The following NUMB variants were observed in gnomAD, a reference collection of about 807,000 sequenced individuals.
NUMB encodes the protein protein numb homolog.
In NUMB, 29 loss-of-function variants were observed where a neutral mutation model predicts 59.7. That is an observed-to-expected ratio of 0.49 (90% CI 0.36 to 0.66). The LOEUF (loss-of-function observed/expected upper bound fraction) is 0.66. NUMB is among the 30% of genes least tolerant of loss of function. The pLI, the probability that NUMB is intolerant of heterozygous loss-of-function variation, is 0.00. For missense variants in NUMB, 723 were observed against 822.0 expected, an observed-to-expected ratio of 0.88 and a Z score of 1.47; for synonymous variants, 288 against 288.2, an observed-to-expected ratio of 1.00 and a Z score of 0.01.
chr14:73,356,714 A>T (rs1401279070), intron 3 of NUMB, among the ~76,000 whole-genome samples: 1 of 152,144 alleles, frequency 6.6e-6, no homozygotes, highest in Non-Finnish European at 1.5e-5. Context: ...ATTTTTTTTC[A>T]GACAGTCTCA....
chr14:73,404,555 G>GA (rs1403617806), intron 2 of NUMB, among the ~76,000 whole-genome samples: 4 of 152,124 alleles, frequency 2.6e-5, no homozygotes, highest in East Asian at 1.9e-4. Flanking sequence ...GGGAAAATGT[G>GA]AAAAAATATT....
intron 3 of NUMB, 91 bp from the exon 4 acceptor site, chr14:73,355,857 T>C (rs553051495): frequency 1.1e-6 from 1 of 943,750 alleles, no homozygotes; most frequent in African/African-American, 1.7e-5. Context: ...AAATCTGATG[T>C]CCAAAATTAA....
intron 1 of NUMB, among the ~76,000 whole-genome samples, chr14:73,433,952 G>C (rs147789568): frequency 7.9e-5 from 12 of 152,222 alleles, no homozygotes; most frequent in African/African-American, 2.9e-4. Flanking sequence ...AATTAGCCAG[G>C]TGTGGTGGTG....
rs1300725439 is a variant in NUMB, at chr14:73,284,295, AGGAGAGGTG to A, written c.726_734del (p.Pro245_Ser247del). On this transcript the variant is annotated inframe_deletion, in exon 10 of 13. Transcript: ENST00000555238. ...CCAGAGAGGTCGTGGCATCAGAAGT[AGGAGAGGTG>A]GGAGAGGATGGGGATGGGGCAGTGT... is the stretch of plus-strand genomic sequence containing the variant. The A allele has an allele frequency of 6.2e-7, 1 of 1,614,080 alleles. No individual in the cohort carries two copies.
chr14:73,369,673 A>G (rs1309241370), intron 2 of NUMB, among the ~76,000 whole-genome samples: 2 of 152,242 alleles, frequency 1.3e-5, no homozygotes, highest in Middle Eastern at 3.2e-3. Context: ...TATGAGAAAC[A>G]CACTTAAAAG....
At chr14:73,450,894 G>A (rs536273133) in intron 1 of NUMB, among the ~76,000 whole-genome samples, 1 of 152,182 alleles carries the variant, frequency 6.6e-6, no homozygotes, top group Admixed American at 6.5e-5. Flanking sequence ...ACTCACGCCT[G>A]TAATCCCAGC....
intron 2 of NUMB, among the ~76,000 whole-genome samples, chr14:73,405,433 CTCTTT>C (rs1373799315): frequency 1.7e-5 from 2 of 115,226 alleles, no homozygotes; most frequent in African/African-American, 5.9e-5. Flanking sequence ...TTTTTTCTTT[CTCTTT>C]TTTTTTTTTT....
chr14:73,455,677 T>G (rs1304577554), intron 1 of NUMB, among the ~76,000 whole-genome samples: 1 of 152,244 alleles, frequency 6.6e-6, no homozygotes, highest in Non-Finnish European at 1.5e-5. Context: ...TATATTAGTG[T>G]AAGGATAAGA....
At chr14:73,299,579 C>CAT (rs34425442) in intron 6 of NUMB, among the ~76,000 whole-genome samples, 112 of 139,540 alleles carry the variant, frequency 8.0e-4, no homozygotes, top group Middle Eastern at 3.6e-3. Context: ...TATGACATGA[C>CAT]ATATGTCATG....
At chr14:73,299,665 G>A (rs920679098) in intron 6 of NUMB, among the ~76,000 whole-genome samples, 8 of 151,446 alleles carry the variant, frequency 5.3e-5, no homozygotes, top group Non-Finnish European at 1.2e-4. Flanking sequence ...TTGGAGGATC[G>A]TGATACAGAA....
intron 1 of NUMB, among the ~76,000 whole-genome samples, chr14:73,451,180 A>C (rs1402144067): frequency 6.7e-6 from 1 of 148,208 alleles, no homozygotes; most frequent in Non-Finnish European, 1.5e-5. Context: ...AAAAACAAAA[A>C]ACAAATCTAC....
intron 4 of NUMB, among the ~76,000 whole-genome samples, chr14:73,328,943 ACTACAACCTC>A (rs545537527): frequency 6.1e-4 from 93 of 152,252 alleles, no homozygotes; most frequent in African/African-American, 2.2e-3. Context: ...ATCTCAGCTC[ACTACAACCTC>A]CGCCTCCCAG....
intron 1 of NUMB, among the ~76,000 whole-genome samples, chr14:73,446,718 T>G (rs896861939): frequency 6.6e-6 from 1 of 151,278 alleles, no homozygotes; most frequent in African/African-American, 2.4e-5. Context: ...GGCTAGCAGC[T>G]CAAGACTAGC....
chr14:73,353,080 T>TTTTTTTTTTTTTC lies in NUMB; in HGVS notation c.126+2545_126+2546insGAAAAAAAAAAAA, dbSNP rs1893540113. Among the ~76,000 whole-genome samples, 2 of 97,012 alleles carry TTTTTTTTTTTTTC rather than the reference T, an allele frequency of 2.1e-5. 1 individual carries two copies. The highest frequency in any genetic ancestry group is 4.2e-5 in the Non-Finnish European group (2 of 47,962). 63.6% of individuals were successfully genotyped at this position (97,012 alleles called of 152,430 possible). ...ATGCCACAGTTTTTCTTGTTTTTTT[T>TTTTTTTTTTTTTC]TTTTTTTTTTTTTTTTTTTTTGAGA... On this transcript the variant is annotated intron_variant, in intron 4 of 12. Transcript: ENST00000555238.
At chr14:73,427,419 C>T (rs979606806) in intron 1 of NUMB, among the ~76,000 whole-genome samples, 4 of 151,906 alleles carry the variant, frequency 2.6e-5, no homozygotes, top group Non-Finnish European at 4.4e-5. Flanking sequence ...GAGCCAAGAT[C>T]GCGTCACCGT....
chr14:73,326,795 C>A (rs758100488), intron 4 of NUMB, among the ~76,000 whole-genome samples: 2 of 152,132 alleles, frequency 1.3e-5, no homozygotes, highest in Non-Finnish European at 2.9e-5. Context: ...GTGCCAGAAA[C>A]TGTGCTGGAT....
intron 2 of NUMB, among the ~76,000 whole-genome samples, chr14:73,407,718 C>A (rs928050195): frequency 2.0e-5 from 3 of 152,182 alleles, no homozygotes; most frequent in African/African-American, 7.2e-5. Context: ...GCAAGAAAAT[C>A]TTCTGGGTCT....
intron 2 of NUMB, among the ~76,000 whole-genome samples, chr14:73,378,201 T>A: frequency 6.6e-6 from 1 of 152,106 alleles, no homozygotes; most frequent in Admixed American, 6.6e-5. Context: ...AACAACCAGA[T>A]ACCATTACAC....
intron 1 of NUMB, among the ~76,000 whole-genome samples, chr14:73,427,405 C>T (rs984396675): frequency 3.3e-5 from 5 of 151,944 alleles, no homozygotes; most frequent in Admixed American, 1.3e-4. Flanking sequence ...GCAGAGGTTG[C>T]AGTGAGCCAA....
Sources: allele counts gnomAD v4.1 joint callset (sites outside exome capture counted in the v4.1 genomes callset), GRCh38; gene constraint gnomAD v4.1.1; transcripts MANE v1.5; gene names NCBI Gene and HGNC (gene_info 2026-07-23, HGNC 2026-07-21).